Variants in LRP3 observed in about 807,000 individuals in gnomAD.
The protein encoded by LRP3 is low-density lipoprotein receptor-related protein 3.
Under a neutral mutation model 58.5 loss-of-function variants are expected in LRP3, and 49 were observed. That is an observed-to-expected ratio of 0.84 (90% CI 0.67 to 1.06). LRP3 has a LOEUF of 1.06. Ranked by LOEUF, LRP3 falls within the 50% of genes least tolerant of loss-of-function variation. The pLI is 0.00. For missense variants in LRP3, 1,019 were observed against 1,134.2 expected, an observed-to-expected ratio of 0.90 and a Z score of 1.46; for synonymous variants, 485 against 492.2, an observed-to-expected ratio of 0.99 and a Z score of 0.20.
Position 33,207,081 on chromosome 19 carries a change from C to T in LRP3, c.1819C>T (p.Leu607Phe). The T allele has an allele frequency of 2.0e-6, 3 of 1,519,238 alleles. No homozygotes were observed. Among genetic ancestry groups the T allele is most frequent in the Admixed American group, 2.2e-5 (1 of 45,090 alleles). The allele number at this position is 1,519,238 out of a possible 1,614,324, so 94.1% of individuals were successfully genotyped here. A position where few individuals can be genotyped will look rare whatever the true frequency, so the allele number is the denominator to read the frequency against. The change falls in exon 7 of 7, where the codon CTC becomes TTC. Residue 607 changes from leucine to phenylalanine, a missense_variant. By Grantham distance (22) the Leu-to-Phe change is conservative (BLOSUM62 0). Coordinates refer to ENST00000253193, the MANE Select transcript of LRP3 (RefSeq NM_002333.4). ...GCCCTCCCGCCGCCGCCTCGGCCGC[C>T]TCTGGAACCGGCTCTTTCACCGGCC... ...RGPSRRRLGRLWNRLFHRPRA... is the reference protein window; with the variant it reads ...RGPSRRRLGRFWNRLFHRPRA...
chr19:33,207,230 C>T lies in LRP3; in HGVS notation c.1968C>T (p.Asp656=), dbSNP rs567739475. 5.1e-5 allele frequency: 79 copies of T among 1,561,800 alleles called. No individual in the cohort carries two copies. The African/African-American group carries it at 9.8e-4, about 19-fold the overall frequency. ...AAPDPPAPLM[D]TGSTRAAGDR... Reference sequence around the variant, plus strand: ...CCGACCCCCCAGCACCGCTCATGGACACAGGCAGCACCAGGGCGGCCGGAG... The same window carrying T: ...CCGACCCCCCAGCACCGCTCATGGATACAGGCAGCACCAGGGCGGCCGGAG... Residue 656 remains aspartate (D), a synonymous_variant, in exon 7 of 7, where the codon GAC becomes GAT. Transcript: ENST00000253193.
chr19:33,206,245 C>A lies in LRP3; in HGVS notation c.1475C>A (p.Ala492Asp). ...AGCGATGAGCATGGGTGCCTGGCCG[C>A]CGTGCCCCGCAAGGTCATCACGGCG... ...DGSDEHGCLA[A>D]VPRKVITAAL... Residue 492 changes from alanine to aspartate, a missense_variant, in exon 5 of 7, where the codon GCC becomes GAC. Ala to Asp is a moderately radical substitution (Grantham distance 126). Around this residue, in one of 2 missense-constraint regions of LRP3, gnomAD observed 592 missense variants for 725.5 expected, o/e 0.82. Transcript: ENST00000253193. The A allele has an allele frequency of 6.3e-7, 1 of 1,597,734 alleles. No individual in the cohort carries two copies.
chr19:33,205,745 G>A lies in LRP3; in HGVS notation c.975G>A (p.Leu325=). Residue 325 remains leucine (L), a synonymous_variant, in exon 5 of 7, where the codon CTG becomes CTA. Coordinates refer to ENST00000253193, the MANE Select transcript of LRP3 (RefSeq NM_002333.4). ...GERGDRLLQT[L]SYRSNHRPVS... Reference sequence around the variant, plus strand: ...GCGGGGACCGCCTGCTGCAGACGCTGTCCTACCGCAGCAACCACCGGCCCG... The same window carrying A: ...GCGGGGACCGCCTGCTGCAGACGCTATCCTACCGCAGCAACCACCGGCCCG... 1 of 1,596,110 alleles carries A rather than the reference G, an allele frequency of 6.3e-7. No homozygotes were observed. Among genetic ancestry groups the A allele is most frequent in the African/African-American group, 1.3e-5 (1 of 74,910 alleles).
At chr19:33,196,813 C>G in intron 2 of LRP3, 36 bp downstream of exon 2, 2 of 1,606,828 alleles carry the variant, frequency 1.2e-6, no homozygotes, top group Non-Finnish European at 1.7e-6. Context: ...TCCACTCCTT[C>G]AGTCCCTTTT....
chr19:33,206,985 C>T lies in LRP3; in HGVS notation c.1726-3C>T. On this transcript the variant is annotated splice_region_variant and splice_polypyrimidine_tract_variant and intron_variant, in intron 6 of 6. Coordinates refer to ENST00000253193, the MANE Select transcript of LRP3 (RefSeq NM_002333.4). ...CCCGCCCCTACCCTGCTCCACCCCA[C>T]AGGCCTCTGTGCTGCAGAATCTTCG... 6.8e-7 allele frequency: 1 copy of T among 1,468,640 alleles called. No individual in the cohort carries two copies. Among genetic ancestry groups the T allele is most frequent in the South Asian group, 1.4e-5 (1 of 69,852 alleles). The allele number at this position is 1,468,640 out of a possible 1,614,324, so 91.0% of individuals were successfully genotyped here. A position where few individuals can be genotyped will look rare whatever the true frequency, so the allele number is the denominator to read the frequency against.
At position 33,194,692 on chromosome 19, in the gene LRP3, C is replaced by CCGAAGCCAGAGCCAGAGCCG; in HGVS notation, c.-94_-93insCGAAGCCAGAGCCAGAGCCG. 1 of 298,318 alleles carries CCGAAGCCAGAGCCAGAGCCG rather than the reference C, an allele frequency of 3.4e-6. No homozygotes were observed. Among genetic ancestry groups the CCGAAGCCAGAGCCAGAGCCG allele is most frequent in the Non-Finnish European group, 4.9e-6 (1 of 202,838 alleles). The allele number at this position is 298,318 out of a possible 1,614,324, so 18.5% of individuals were successfully genotyped here. A position where few individuals can be genotyped will look rare whatever the true frequency, so the allele number is the denominator to read the frequency against. ...CCGAGCCCTAGCCCGAGCCCGAGCC[C>CCGAAGCCAGAGCCAGAGCCG]GAGCCGCAGCCAGAGCCAGAGCCGG... On this transcript the variant is annotated 5_prime_UTR_variant, in exon 1 of 7. Transcript: ENST00000253193.
At position 33,208,636 on chromosome 19, in the gene LRP3, C is replaced by T; in HGVS notation, c.*1061C>T. 1 of 545,212 alleles carries T rather than the reference C, an allele frequency of 1.8e-6. No homozygotes were observed. The highest frequency in any genetic ancestry group is 3.3e-6 in the Non-Finnish European group (1 of 306,668). 33.8% of individuals were successfully genotyped at this position (545,212 alleles called of 1,614,324 possible). ...TACGCCCCAGCCACTCCCATCTGTG[C>T]CCATCAGGGACTCCCCATAGCACGA... On this transcript the variant is annotated 3_prime_UTR_variant, in exon 7 of 7. Coordinates refer to ENST00000253193, the MANE Select transcript of LRP3 (RefSeq NM_002333.4). The surrounding 1 kb of genome is among the most constrained non-coding windows in gnomAD (Gnocchi z 4.7).
intron 2 of LRP3, 53 bp downstream of exon 2, chr19:33,196,830 G>C: frequency 6.4e-7 from 1 of 1,568,168 alleles, no homozygotes; most frequent in Non-Finnish European, 8.8e-7. Flanking sequence ...TTTTGGGTGA[G>C]TGGTCCCTGA....
chr19:33,197,389 G>C (rs768846387), intron 2 of LRP3, among the ~76,000 whole-genome samples: 20 of 152,156 alleles, frequency 1.3e-4, no homozygotes, highest in Non-Finnish European at 2.2e-4. Flanking sequence ...CATTTGGGAG[G>C]CTGAGGCAAG....
At position 33,206,632 on chromosome 19, in the gene LRP3, G is replaced by T; in HGVS notation, c.1624G>T (p.Ala542Ser). 2.5e-6 allele frequency: 4 copies of T among 1,606,216 alleles called. No homozygotes were observed. The highest frequency in any genetic ancestry group is 3.4e-6 in the Non-Finnish European group (4 of 1,176,040). The change falls in exon 6 of 7, where the codon GCT becomes TCT. Residue 542 changes from alanine to serine, a missense_variant. This residue lies in a region of LRP3 where 427 missense variants were observed against 408.6 expected (regional missense o/e 1.04). Coordinates refer to ENST00000253193, the MANE Select transcript of LRP3 (RefSeq NM_002333.4). ...AFETQMTRLE[A>S]EFVRREAPPS... ...CGAGACCCAGATGACGCGCCTGGAG[G>T]CTGAGTTCGTGCGGCGGGAGGCACC...
At position 33,205,501 on chromosome 19, in the gene LRP3, C is replaced by T. The variant is rs763246865; in HGVS notation, c.731C>T (p.Ser244Leu). Reference protein sequence around the residue: ...CDGLQDCGDGSDEAGCPDLAC... With the variant: ...CDGLQDCGDGLDEAGCPDLAC... ...GGCTTGCAGGACTGCGGCGACGGCT[C>T]GGATGAGGCGGGCTGCCCCGACCTG... Residue 244 changes from serine to leucine, a missense_variant, in exon 5 of 7, where the codon TCG becomes TTG. Transcript: ENST00000253193. The T allele has an allele frequency of 2.5e-5, 39 of 1,574,596 alleles. No homozygotes were observed. In the East Asian group the frequency reaches 5.9e-4, roughly 24 times the overall value.
chr19:33,205,461 G>A lies in LRP3; in HGVS notation c.691G>A (p.Glu231Lys), dbSNP rs1368364179. 1 of 1,585,902 alleles carries A rather than the reference G, an allele frequency of 6.3e-7. No individual in the cohort carries two copies. The highest frequency in any genetic ancestry group is 8.6e-7 in the Non-Finnish European group (1 of 1,167,972). Residue 231 changes from glutamate to lysine, a missense_variant, in exon 5 of 7, where the codon GAG (glutamate) becomes AAG (lysine). Coordinates refer to ENST00000253193, the MANE Select transcript of LRP3 (RefSeq NM_002333.4). Reference sequence around the variant, plus strand: ...GCGCTCCACGCGCTGCCTGCCTGTGGAGCGGCGCTGTGACGGCTTGCAGGA... The same window carrying A: ...GCGCTCCACGCGCTGCCTGCCTGTGAAGCGGCGCTGTGACGGCTTGCAGGA... ...GARSTRCLPV[E>K]RRCDGLQDCG...
intron 1 of LRP3, among the ~76,000 whole-genome samples, chr19:33,195,976 A>AC (rs750167676): frequency 9.6e-4 from 145 of 151,192 alleles, no homozygotes; most frequent in South Asian, 1.7e-3. Context: ...CACATCCTGA[A>AC]CCCCGGGAAG....
rs570376304 is a variant in LRP3 at position 33,203,322 on chromosome 19, A to G, written c.260+336A>G. 7.9e-4 allele frequency among the ~76,000 whole-genome samples: 114 copies of G among 143,588 alleles called. 1 individual carries two copies. Among genetic ancestry groups the G allele is most frequent in the African/African-American group, 2.3e-3 (82 of 35,604 alleles). 94.2% of individuals were successfully genotyped at this position (143,588 alleles called of 152,430 possible). A position where few individuals can be genotyped will look rare whatever the true frequency, so the allele number is the denominator to read the frequency against. The stretch of plus-strand genomic sequence containing the variant: ...AACACATGTAAGTAGGTGTGTGTGC[A>G]TATGTGTGTGTGTGCATGTATGTGA... On this transcript the variant is annotated intron_variant, in intron 3 of 6. Transcript: ENST00000253193.
intron 3 of LRP3, chr19:33,204,350 T>C (rs1974375828): frequency 4.1e-6 from 2 of 490,898 alleles, no homozygotes; most frequent in Admixed American, 7.0e-5. Context: ...GGGGGTACTG[T>C]GTGCACTGAT....
At chr19:33,200,454 C>T (rs1303680313) in intron 2 of LRP3, among the ~76,000 whole-genome samples, 1 of 152,146 alleles carries the variant, frequency 6.6e-6, no homozygotes, top group Admixed American at 6.5e-5. Context: ...TGATCTCAAA[C>T]TCCTGACCTC....
intron 2 of LRP3, among the ~76,000 whole-genome samples, chr19:33,197,618 C>A (rs773110445): frequency 6.6e-6 from 1 of 152,094 alleles, no homozygotes; most frequent in Admixed American, 6.5e-5. Context: ...CAGAGCGAGA[C>A]CCTGTCTGTA....
At position 33,205,988 on chromosome 19, in the gene LRP3, C is replaced by T. The variant is rs553707363; in HGVS notation, c.1218C>T (p.Ser406=). 44 of 1,573,330 alleles carry T rather than the reference C, an allele frequency of 2.8e-5. No homozygotes were observed. Among genetic ancestry groups the T allele is most frequent in the African/African-American group, 9.4e-5 (7 of 74,454 alleles). The change falls in exon 5 of 7, where the codon AGC becomes AGT. Residue 406 remains serine, a synonymous_variant. Coordinates refer to ENST00000253193, the MANE Select transcript of LRP3 (RefSeq NM_002333.4). The part of the protein sequence containing the change: ...QRCDGWWHCA[S]GRDEQGCPAC... ...GTGATGGCTGGTGGCATTGTGCCAG[C>T]GGCCGAGACGAGCAGGGCTGCCCTG...
At position 33,204,771 on chromosome 19, in the gene LRP3, C is replaced by T. The variant is rs374703927; in HGVS notation, c.394C>T (p.Arg132Cys). The T allele has an allele frequency of 7.6e-5, 123 of 1,613,186 alleles. No homozygotes were observed. Among genetic ancestry groups the T allele is most frequent in the Non-Finnish European group, 9.7e-5 (114 of 1,179,992 alleles). ...CATCCCACCTGCCTTCATCTCTGCC[C>T]GCGACCATGTCTGGATTTTCTTCCA... Reference protein sequence around the residue: ...SAIPPAFISARDHVWIFFHSD... With the variant: ...SAIPPAFISACDHVWIFFHSD... The change falls in exon 4 of 7, where the codon CGC (arginine) becomes TGC (cysteine). Residue 132 changes from arginine (R) to cysteine (C), a missense_variant. This residue lies in a region of LRP3 where 592 missense variants were observed against 725.5 expected (regional missense o/e 0.82). Coordinates refer to ENST00000253193, the MANE Select transcript of LRP3 (RefSeq NM_002333.4).
Sources: gnomAD v4.1 joint callset for allele counts (sites outside exome capture counted in the v4.1 genomes callset) on GRCh38, gnomAD v4.1.1 for gene constraint, gnomAD v4.1.1 regional missense constraint, Gnocchi (gnomAD v3.1) non-coding constraint, MANE v1.5 for transcripts, NCBI Gene and HGNC (gene_info 2026-07-23, HGNC 2026-07-21) for gene names.